DMD: variants seen among roughly 807,000 people sequenced by gnomAD.
The protein encoded by DMD is mutant dystrophin.
DMD carries 63 observed loss-of-function variants against 330.1 expected under a neutral mutation model. The observed-to-expected ratio is 0.19, with a 90% CI of 0.16 to 0.24. The LOEUF (loss-of-function observed/expected upper bound fraction) is 0.24, where lower values mean the gene tolerates loss of function less well. Ranked by LOEUF, DMD falls within the 10% of genes least tolerant of loss-of-function variation. DMD has a pLI of 1.00. For missense variants in DMD, 3,344 were observed against 2,684.1 expected (o/e 1.25, Z -5.43); for synonymous variants, 1,223 against 959.8 (o/e 1.27, Z -5.07).
intron 43 of DMD, among the ~76,000 whole-genome samples, chrX:32,285,342 C>T (rs1008606295): frequency 8.9e-6 from 1 of 112,104 alleles, no homozygotes. Flanking sequence ...ATTGGAGTAG[C>T]CCGCAGAGCC....
intron 67 of DMD, among the ~76,000 whole-genome samples, chrX:31,186,837 A>G (rs1213298511): frequency 8.9e-6 from 1 of 112,867 alleles, no homozygotes; most frequent in Middle Eastern, 4.2e-3. Flanking sequence ...ACTGAGTCCA[A>G]ACTCAGCATT....
chrX:32,889,004 G>A (rs2084934777), intron 2 of DMD, among the ~76,000 whole-genome samples: 1 of 110,376 alleles, frequency 9.1e-6, no homozygotes, highest in Non-Finnish European at 1.9e-5. Flanking sequence ...GGACTGGATG[G>A]AGAATGTAAA....
chrX:32,935,540 A>G (rs780863500), intron 2 of DMD, among the ~76,000 whole-genome samples: 5 of 112,148 alleles, frequency 4.5e-5, no homozygotes, highest in Non-Finnish European at 9.4e-5. Context: ...TATGACCATA[A>G]TACAATTATT....
chrX:31,214,948 T>C (rs1474094821), intron 64 of DMD, among the ~76,000 whole-genome samples: 1 of 79,965 alleles, frequency 1.3e-5, no homozygotes, highest in East Asian at 4.1e-4. Flanking sequence ...TTTTTTTTTT[T>C]TTTTTTTTTT....
chrX:32,505,898 G>C (rs2044568069), intron 18 of DMD, among the ~76,000 whole-genome samples: 1 of 112,014 alleles, frequency 8.9e-6, no homozygotes, highest in Non-Finnish European at 1.9e-5. Context: ...AAGATAATCT[G>C]AAAAGGCTAT....
In DMD at chrX:32,348,519, G is replaced by A; in HGVS notation, c.5335C>T (p.Pro1779Ser). ...TTAAACTGCTCCAATTCCTTCAAAG[G>A]AATGGAGGCCTAAAAAAAAAGATAG... ...HRIKTGKASI[P>S]LKELEQFNSD... The change falls in exon 38 of 79, where the codon CCT (proline) becomes TCT (serine). Residue 1779 changes from proline (P) to serine (S), a missense_variant. Physicochemically the swap from Pro to Ser is moderately conservative, Grantham distance 74. Coordinates refer to ENST00000357033, the MANE Select transcript of DMD (RefSeq NM_004006.3). 8.3e-7 allele frequency: 1 copy of A among 1,201,547 alleles called. No individual in the cohort carries two copies. The highest frequency in any genetic ancestry group is 1.7e-5 in the African/African-American group (1 of 57,290).
intron 1 of DMD, among the ~76,000 whole-genome samples, chrX:33,151,653 G>GT (rs2048289752): frequency 1.8e-5 from 2 of 111,674 alleles, no homozygotes; most frequent in Admixed American, 9.5e-5. Context: ...GTAGTCTTAG[G>GT]TAAGTTACTC....
chrX:32,535,266 TGCTCTCA>T (rs1050616268), intron 17 of DMD, among the ~76,000 whole-genome samples: 4 of 111,815 alleles, frequency 3.6e-5, no homozygotes, highest in Non-Finnish European at 7.5e-5. Flanking sequence ...TATGCCCATC[TGCTCTCA>T]GATCTATTCC....
At chrX:33,070,295 C>T (rs189070012) in intron 1 of DMD, among the ~76,000 whole-genome samples, 52 of 111,176 alleles carry the variant, frequency 4.7e-4, no homozygotes, top group Non-Finnish European at 7.5e-5. Flanking sequence ...CACACTTGAA[C>T]GTCAACTTGT....
At chrX:33,288,702 A>G (rs2053469920) in intron 1 of DMD, among the ~76,000 whole-genome samples, 1 of 111,719 alleles carries the variant, frequency 9.0e-6, no homozygotes, top group African/African-American at 3.2e-5. Context: ...CTTAAGAGCC[A>G]TTGTACATGT....
At chrX:33,114,082 G>A (rs1179435959) in intron 1 of DMD, among the ~76,000 whole-genome samples, 4 of 108,389 alleles carry the variant, frequency 3.7e-5, no homozygotes, top group Non-Finnish European at 7.6e-5. Context: ...GTATTATTGT[G>A]TAATTCGAAT....
chrX:32,243,560 C>T (rs1190539081), intron 43 of DMD, among the ~76,000 whole-genome samples: 1 of 111,739 alleles, frequency 8.9e-6, no homozygotes, highest in Non-Finnish European at 1.9e-5. Flanking sequence ...TAGCACTACA[C>T]CATTATACAG....
intron 41 of DMD, among the ~76,000 whole-genome samples, chrX:32,330,485 G>T (rs1476566494): frequency 8.9e-6 from 1 of 111,887 alleles, no homozygotes; most frequent in Non-Finnish European, 1.9e-5. Flanking sequence ...TTCTGGACAT[G>T]CTCAGAAGGA....
At chrX:31,459,799 A>G (rs1022976868) in intron 59 of DMD, among the ~76,000 whole-genome samples, 3 of 111,978 alleles carry the variant, frequency 2.7e-5, no homozygotes, top group Non-Finnish European at 5.6e-5. Flanking sequence ...AACAAAAAGC[A>G]TAACAATGAT....
chrX:32,802,025 G>GT (rs925495851), intron 7 of DMD, among the ~76,000 whole-genome samples: 1 of 111,862 alleles, frequency 8.9e-6, no homozygotes, highest in Non-Finnish European at 1.9e-5. Context: ...ATTTAAAGTA[G>GT]TTTTTTTCTA....
chrX:32,655,216 T>C (rs2060474972), intron 9 of DMD, among the ~76,000 whole-genome samples: 1 of 112,091 alleles, frequency 8.9e-6, no homozygotes, highest in Non-Finnish European at 1.9e-5. Flanking sequence ...TCTAGTTCTT[T>C]TAATTGTTAT....
At chrX:32,685,050 T>G (rs1344243010) in intron 9 of DMD, among the ~76,000 whole-genome samples, 1 of 111,681 alleles carries the variant, frequency 9.0e-6, no homozygotes, top group Non-Finnish European at 1.9e-5. Flanking sequence ...GTTAAGATTT[T>G]TAAGAGCTTA....
chrX:32,223,212 G>T (rs1009331086), intron 43 of DMD, among the ~76,000 whole-genome samples: 3 of 111,849 alleles, frequency 2.7e-5, no homozygotes, highest in Admixed American at 9.5e-5. Context: ...AAAGGCTCTG[G>T]CATTTGGTGT....
intron 55 of DMD, among the ~76,000 whole-genome samples, chrX:31,618,501 G>C (rs1229687614): frequency 8.9e-6 from 1 of 112,068 alleles, no homozygotes; most frequent in Admixed American, 9.5e-5. Context: ...GTAAAGGAAA[G>C]ATGGATGTTT....
Sources: allele counts gnomAD v4.1 joint callset (sites outside exome capture counted in the v4.1 genomes callset), GRCh38; gene constraint gnomAD v4.1.1; transcripts MANE v1.5; gene names NCBI Gene and HGNC (gene_info 2026-07-23, HGNC 2026-07-21).